Variants in FYB1 observed in about 807,000 individuals in gnomAD.
FYB1 encodes FYN-binding protein 1.
In FYB1, 41 loss-of-function variants were observed where a neutral mutation model predicts 94.1. That is an observed-to-expected ratio of 0.44 (90% CI 0.34 to 0.57). The LOEUF (loss-of-function observed/expected upper bound fraction) is 0.57. FYB1 is among the 20% of genes least tolerant of loss of function. The pLI is 0.02. For missense variants in FYB1, 1,050 were observed against 976.8 expected, an observed-to-expected ratio of 1.07 and a Z score of -1.00; for synonymous variants, 367 against 353.2, an observed-to-expected ratio of 1.04 and a Z score of -0.44.
intron 1 of FYB1, among the ~76,000 whole-genome samples, chr5:39,269,142 C>T (rs763146913): frequency 1.3e-5 from 2 of 151,766 alleles, no homozygotes; most frequent in Non-Finnish European, 2.9e-5. Context: ...CTCTGCCTCC[C>T]GGATTCACAC....
intron 2 of FYB1, among the ~76,000 whole-genome samples, chr5:39,182,096 GC>G (rs145166857): frequency 0.15 from 23,367 of 152,028 alleles, 2,229 homozygotes; most frequent in Non-Finnish European, 0.21. Flanking sequence ...TTAGGCTTAA[GC>G]CCCAAGTCCT....
chr5:39,245,558 T>C, intron 1 of FYB1, among the ~76,000 whole-genome samples: 1 of 151,986 alleles, frequency 6.6e-6, no homozygotes, highest in East Asian at 1.9e-4. Flanking sequence ...GCAGAGGATT[T>C]CTGGGTTGGA....
At chr5:39,115,744 T>A (rs765193467) in intron 16 of FYB1, among the ~76,000 whole-genome samples, 2 of 152,046 alleles carry the variant, frequency 1.3e-5, no homozygotes, top group Non-Finnish European at 2.9e-5. Flanking sequence ...TTGTACAAAT[T>A]AAGAAAGGCA....
At position 39,153,463 on chromosome 5, in the gene FYB1, G is replaced by C. The variant is rs1312051764; in HGVS notation, c.1277C>G (p.Pro426Arg). Residue 426 changes from proline to arginine, a missense_variant, in exon 3 of 19, where the codon CCT becomes CGT. Coordinates refer to ENST00000512982, the MANE Select transcript of FYB1 (RefSeq NM_001465.6). ...TTTTGCTTACTTTAGGTCAAACGGA[G>C]GTTTAATGTTTCTGGGAGGTAGGCT... ...VPSLPPRNIK[P>R]PFDLKSPVNE... 6.2e-7 allele frequency: 1 copy of C among 1,613,904 alleles called. No homozygotes were observed. The highest frequency in any genetic ancestry group is 8.5e-7 in the Non-Finnish European group (1 of 1,179,850).
intron 2 of FYB1, among the ~76,000 whole-genome samples, chr5:39,193,959 T>C (rs12657988): frequency 0.033 from 5,019 of 152,278 alleles, 147 homozygotes; most frequent in East Asian, 0.14. Flanking sequence ...GATGCACTTG[T>C]CATCCATCAG....
At chr5:39,197,580 A>G (rs997982555) in intron 2 of FYB1, among the ~76,000 whole-genome samples, 1 of 152,268 alleles carries the variant, frequency 6.6e-6, no homozygotes, top group African/African-American at 2.4e-5. Context: ...TATTTCTTCC[A>G]GGTTGACAGG....
chr5:39,126,119 G>C lies in FYB1; in HGVS notation c.1924C>G (p.Gln642Glu). Reference protein sequence around the residue: ...DADDGSTLQVQEKSNTWSWGI... With the variant: ...DADDGSTLQVEEKSNTWSWGI... The stretch of plus-strand genomic sequence containing the variant: ...CAGGACCACGTATTACTCTTCTCTT[G>C]AACCTGTAGTGTGGAGCTTTGGAGC... The change falls in exon 12 of 19, where the codon CAA (glutamine) becomes GAA (glutamate). Residue 642 changes from glutamine (Q) to glutamate (E), a missense_variant. Gln to Glu is a conservative substitution (Grantham distance 29, BLOSUM62 2). Transcript: ENST00000512982. 3 of 1,613,418 alleles carry C rather than the reference G, an allele frequency of 1.9e-6. No individual in the cohort carries two copies. Among genetic ancestry groups the C allele is most frequent in the Non-Finnish European group, 2.5e-6 (3 of 1,179,594 alleles).
chr5:39,177,825 C>G (rs892850664), intron 2 of FYB1, among the ~76,000 whole-genome samples: 3 of 152,154 alleles, frequency 2.0e-5, no homozygotes, highest in Non-Finnish European at 4.4e-5. Flanking sequence ...GTTGCTGAAG[C>G]TGTTAGAAGC....
intron 1 of FYB1, among the ~76,000 whole-genome samples, chr5:39,272,282 G>C (rs1012432733): frequency 1.3e-5 from 2 of 152,140 alleles, no homozygotes; most frequent in African/African-American, 4.8e-5. Context: ...AGATCACCAG[G>C]CCAGCCTTGT....
chr5:39,212,134 C>G (rs1371177378), intron 1 of FYB1, among the ~76,000 whole-genome samples: 2 of 151,930 alleles, frequency 1.3e-5, no homozygotes, highest in Non-Finnish European at 1.5e-5. Context: ...AGCAAGACCT[C>G]ATTTCTACAA....
chr5:39,164,935 A>C (rs1275261656), intron 2 of FYB1, among the ~76,000 whole-genome samples: 2 of 152,238 alleles, frequency 1.3e-5, no homozygotes, highest in East Asian at 3.9e-4. Flanking sequence ...CCAACAAAGA[A>C]GGCAGAGCTT....
At chr5:39,252,337 AAAT>A (rs1373048368) in intron 1 of FYB1, among the ~76,000 whole-genome samples, 7 of 152,188 alleles carry the variant, frequency 4.6e-5, no homozygotes, top group African/African-American at 1.7e-4. Flanking sequence ...TTAAGTGAAA[AAAT>A]AATATGATAA....
intron 2 of FYB1, among the ~76,000 whole-genome samples, chr5:39,191,007 C>A (rs1311797390): frequency 6.6e-6 from 1 of 152,128 alleles, no homozygotes; most frequent in Non-Finnish European, 1.5e-5. Flanking sequence ...AAAACAAACA[C>A]TAAGGGAGAT....
chr5:39,152,851 G>A (rs1029423274), intron 3 of FYB1, among the ~76,000 whole-genome samples: 3 of 152,158 alleles, frequency 2.0e-5, no homozygotes, highest in Non-Finnish European at 4.4e-5. Context: ...TTAATTAAAG[G>A]AGGCTATTTA....
chr5:39,193,967 C>T (rs917789531), intron 2 of FYB1, among the ~76,000 whole-genome samples: 2 of 151,532 alleles, frequency 1.3e-5, no homozygotes, highest in African/African-American at 4.8e-5. Flanking sequence ...TGTCATCCAT[C>T]AGCCAGATCA....
intron 2 of FYB1, among the ~76,000 whole-genome samples, chr5:39,175,340 G>T (rs1285215586): frequency 6.6e-6 from 1 of 152,200 alleles, no homozygotes; most frequent in African/African-American, 2.4e-5. Flanking sequence ...GAAGACTCCG[G>T]TTGATTGATG....
intron 2 of FYB1, among the ~76,000 whole-genome samples, chr5:39,185,026 C>T (rs1400706446): frequency 6.6e-6 from 1 of 150,960 alleles, no homozygotes; most frequent in African/African-American, 2.4e-5. Flanking sequence ...CTTTAGTTAA[C>T]TTTAATTTTA....
At chr5:39,170,023 G>T in intron 2 of FYB1, 2 of 762,884 alleles carry the variant, frequency 2.6e-6, no homozygotes, top group South Asian at 2.8e-5. Context: ...AGGAACAGAT[G>T]AATTTTCAAT....
intron 1 of FYB1, among the ~76,000 whole-genome samples, chr5:39,256,593 T>C (rs920713679): frequency 1.5e-4 from 23 of 152,324 alleles, no homozygotes; most frequent in African/African-American, 5.5e-4. Context: ...AGGTGGACTT[T>C]GCTTAGAAAT....
Sources: allele counts gnomAD v4.1 joint callset (sites outside exome capture counted in the v4.1 genomes callset), GRCh38; gene constraint gnomAD v4.1.1; transcripts MANE v1.5; gene names NCBI Gene and HGNC (gene_info 2026-07-23, HGNC 2026-07-21).